The following ASNS variants were observed in gnomAD, a reference collection of about 807,000 sequenced individuals.
The protein encoded by ASNS is asparagine synthetase (glutamine-hydrolyzing).
In ASNS, 37 loss-of-function variants were observed where a neutral mutation model predicts 62.6. The ratio of observed to expected loss-of-function variants is 0.59; its 90% CI spans 0.45 to 0.78. The LOEUF is 0.78. Among genes scored for constraint, ASNS ranks in the 30% least tolerant of loss-of-function variants. The probability of loss-of-function intolerance (pLI) is 0.00; values close to 1 mark genes in which losing one functional copy is unlikely to be tolerated. For missense variants in ASNS, 520 were observed against 682.4 expected (o/e 0.76, Z 2.65); for synonymous variants, 207 against 237.9 (o/e 0.87, Z 1.19).
At chr7:97,879,340 A>T in the ASNS span, among the ~76,000 whole-genome samples, 3 of 152,230 alleles carry the variant, frequency 2.0e-5, no homozygotes, top group African/African-American at 2.4e-5. Flanking sequence ...AAAAGAAACT[A>T]CCATCAGAGT....
intron 3 of ASNS, among the ~76,000 whole-genome samples, chr7:97,866,569 C>A (rs746879993): frequency 4.7e-4 from 72 of 152,182 alleles, no homozygotes; most frequent in Non-Finnish European, 1.5e-4. Context: ...TGATGTATTC[C>A]TCTTTCTTCT....
chr7:97,872,025 C>T (rs1294191409), intron 1 of ASNS: 1 of 152,332 alleles, frequency 6.6e-6, no homozygotes, highest in African/African-American at 2.4e-5. Flanking sequence ...AAAAAAAGTA[C>T]ACATATAACA....
upstream of ASNS, among the ~76,000 whole-genome samples, chr7:97,877,103 T>A: frequency 6.6e-6 from 1 of 151,182 alleles, no homozygotes; most frequent in East Asian, 1.9e-4. Context: ...TTCTTTTTTT[T>A]TTTTTTTTTG....
intron 2 of ASNS, 119 bp from the exon 3 acceptor site, chr7:97,869,298 T>G (rs1225126602): frequency 5.1e-6 from 6 of 1,180,578 alleles, no homozygotes; most frequent in Non-Finnish European, 7.0e-6. Flanking sequence ...AACCATCTTT[T>G]CTATAGCGAT....
At chr7:97,912,979 T>C in the ASNS span, 1 of 152,086 alleles carries the variant, frequency 6.6e-6, no homozygotes, top group Non-Finnish European at 1.5e-5. Flanking sequence ...TGCATTCAAA[T>C]AGCAGAATGT....
chr7:97,875,861 A>ATT (rs34906277), upstream of ASNS, among the ~76,000 whole-genome samples: 518 of 148,626 alleles, frequency 3.5e-3, 3 homozygotes, highest in Non-Finnish European at 4.3e-3. Flanking sequence ...TTATTAGGCA[A>ATT]TTTTTTTTTT....
chr7:97,923,894 C>T, the ASNS span, among the ~76,000 whole-genome samples: 4 of 152,214 alleles, frequency 2.6e-5, no homozygotes, highest in Non-Finnish European at 5.9e-5. Flanking sequence ...CACCAGCATC[C>T]CTGGCAGGGA....
At chr7:97,879,967 G>A in the ASNS span, among the ~76,000 whole-genome samples, 1 of 152,178 alleles carries the variant, frequency 6.6e-6, no homozygotes, top group Non-Finnish European at 1.5e-5. Flanking sequence ...AGTTATGCCA[G>A]GCTGTGATGC....
chr7:97,922,851 G>C, the ASNS span, among the ~76,000 whole-genome samples: 2 of 152,188 alleles, frequency 1.3e-5, no homozygotes, highest in Non-Finnish European at 2.9e-5. Flanking sequence ...AAGTGCAGTG[G>C]TGTGATCTCG....
the ASNS span, among the ~76,000 whole-genome samples, chr7:97,923,357 A>G: frequency 6.6e-6 from 1 of 152,050 alleles, no homozygotes; most frequent in African/African-American, 2.4e-5. Context: ...TGGGAAGCCA[A>G]GGTGGGCCGA....
chr7:97,899,015 G>A, the ASNS span: 1 of 708,158 alleles, frequency 1.4e-6, no homozygotes, highest in East Asian at 2.5e-5. Context: ...AACATAGGAG[G>A]TGCTTTCACA....
At chr7:97,924,869 G>A in the ASNS span, among the ~76,000 whole-genome samples, 1 of 152,326 alleles carries the variant, frequency 6.6e-6, no homozygotes, top group East Asian at 1.9e-4. Flanking sequence ...CAGCGTGGTG[G>A]CTCACACCTG....
rs771793282 is a variant in ASNS, at chr7:97,858,433, T to C, written c.776-28A>G. The C allele has an allele frequency of 3.1e-6, 5 of 1,613,694 alleles. No individual in the cohort carries two copies. The African/African-American group carries it at 6.7e-5, about 22-fold the overall frequency. On this transcript the variant is annotated intron_variant, in intron 6 of 12. Transcript: ENST00000394308. ...ACATGCAAAAGAGGAAGTGGAAGTG[T>C]CCTAGTTATGTGCCTTGCATAAGAC...
the ASNS span, among the ~76,000 whole-genome samples, chr7:97,922,335 C>A: frequency 6.6e-6 from 1 of 151,736 alleles, no homozygotes; most frequent in Non-Finnish European, 1.5e-5. Flanking sequence ...CCCTGCACTA[C>A]AGCCTGGGCA....
At chr7:97,893,339 A>T in the ASNS span, among the ~76,000 whole-genome samples, 1 of 152,274 alleles carries the variant, frequency 6.6e-6, no homozygotes, top group African/African-American at 2.4e-5. Context: ...GGATATACAA[A>T]ATAACCAGAA....
intron 4 of ASNS, among the ~76,000 whole-genome samples, chr7:97,861,308 G>C (rs542508794): frequency 6.6e-6 from 1 of 152,200 alleles, no homozygotes; most frequent in African/African-American, 2.4e-5. Flanking sequence ...CATCGCGCCT[G>C]GCCTGATCCA....
chr7:97,882,753 T>C, the ASNS span, among the ~76,000 whole-genome samples: 1 of 146,654 alleles, frequency 6.8e-6, no homozygotes, highest in African/African-American at 2.5e-5. Flanking sequence ...TGAGTCGTAA[T>C]GGAAAATAAG....
At chr7:97,881,911 A>T in the ASNS span, among the ~76,000 whole-genome samples, 1 of 152,018 alleles carries the variant, frequency 6.6e-6, no homozygotes, top group East Asian at 1.9e-4. Context: ...GATACGCCTC[A>T]TGGGGTTTGG....
chr7:97,882,538 T>TTAAATAAA, the ASNS span, among the ~76,000 whole-genome samples: 2,155 of 130,924 alleles, frequency 0.016, 75 homozygotes, highest in African/African-American at 0.039. Context: ...CAGAGAGAGA[T>TTAAATAAA]TAAATAAATA....
Sources: allele counts gnomAD v4.1 joint callset (sites outside exome capture counted in the v4.1 genomes callset), GRCh38; gene constraint gnomAD v4.1.1; transcripts MANE v1.5; gene names NCBI Gene and HGNC (gene_info 2026-07-23, HGNC 2026-07-21).